The following SPOCK3 variants were observed in gnomAD, a reference collection of about 807,000 sequenced individuals.
SPOCK3 encodes the protein SPARC (osteonectin), cwcv and kazal like domains proteoglycan 3.
SPOCK3 carries 30 observed loss-of-function variants against 56.6 expected under a neutral mutation model. That is an observed-to-expected ratio of 0.53 (90% CI 0.40 to 0.72). The LOEUF (loss-of-function observed/expected upper bound fraction) is 0.72, where lower values mean the gene tolerates loss of function less well. Ranked by LOEUF, SPOCK3 falls within the 30% of genes least tolerant of loss-of-function variation. SPOCK3 has a pLI of 0.00. For synonymous variants in SPOCK3, 196 were observed against 183.3 expected (o/e 1.07, Z -0.56); for missense variants, 527 against 530.0 (o/e 0.99, Z 0.06).
chr4:167,086,836 T>G (rs950210518), intron 2 of SPOCK3, among the ~76,000 whole-genome samples: 5 of 152,102 alleles, frequency 3.3e-5, no homozygotes, highest in Admixed American at 3.3e-4. Flanking sequence ...CACAAAACAG[T>G]TGACTGAGAA....
At chr4:166,741,463 G>C (rs1290909433) in intron 9 of SPOCK3, among the ~76,000 whole-genome samples, 1 of 152,100 alleles carries the variant, frequency 6.6e-6, no homozygotes, top group Non-Finnish European at 1.5e-5. Flanking sequence ...TTAATAATCT[G>C]TTTATATCCA....
intron 2 of SPOCK3, among the ~76,000 whole-genome samples, chr4:167,161,650 A>T (rs1765318538): frequency 6.6e-6 from 1 of 152,104 alleles, no homozygotes; most frequent in Non-Finnish European, 1.5e-5. Flanking sequence ...CAAATGTGCA[A>T]CAATGATAGA....
chr4:166,934,212 C>T (rs1054537845), intron 4 of SPOCK3, among the ~76,000 whole-genome samples: 9 of 151,792 alleles, frequency 5.9e-5, no homozygotes, highest in African/African-American at 1.9e-4. Context: ...AAGTCACGGC[C>T]GGGCGCAGTG....
intron 6 of SPOCK3, among the ~76,000 whole-genome samples, chr4:166,857,038 A>G (rs907182904): frequency 1.3e-5 from 2 of 152,172 alleles, no homozygotes; most frequent in African/African-American, 4.8e-5. Context: ...TATCATCTGA[A>G]GTCACATCTA....
intron 5 of SPOCK3, among the ~76,000 whole-genome samples, chr4:166,896,622 G>T (rs1031124850): frequency 6.6e-6 from 1 of 152,156 alleles, no homozygotes; most frequent in African/African-American, 2.4e-5. Context: ...GTGGATGAGT[G>T]GGGGTCAGAA....
intron 4 of SPOCK3, among the ~76,000 whole-genome samples, chr4:166,915,985 T>C (rs936773932): frequency 3.3e-5 from 5 of 152,172 alleles, no homozygotes; most frequent in Admixed American, 3.3e-4. Context: ...TCCACTGGAA[T>C]AAACGTATGA....
chr4:167,012,549 A>C (rs568207728), intron 3 of SPOCK3, among the ~76,000 whole-genome samples: 49 of 152,104 alleles, frequency 3.2e-4, no homozygotes, highest in African/African-American at 1.1e-3. Context: ...TTGGGGAAAA[A>C]AATTAAGAAA....
At chr4:167,201,034 T>TA (rs1461113082) in intron 2 of SPOCK3, among the ~76,000 whole-genome samples, 1 of 151,948 alleles carries the variant, frequency 6.6e-6, no homozygotes, top group Non-Finnish European at 1.5e-5. Flanking sequence ...TTGAGCTGAG[T>TA]AAAATTTCTT....
intron 7 of SPOCK3, among the ~76,000 whole-genome samples, chr4:166,763,227 TCAG>T (rs1366185817): frequency 6.6e-6 from 1 of 151,958 alleles, no homozygotes; most frequent in Non-Finnish European, 1.5e-5. Flanking sequence ...AAGCTTCTCC[TCAG>T]AGGCTATGAA....
chr4:166,825,547 T>A (rs886306281), intron 6 of SPOCK3, among the ~76,000 whole-genome samples: 1 of 151,936 alleles, frequency 6.6e-6, no homozygotes, highest in East Asian at 1.9e-4. Flanking sequence ...TATCTACCCA[T>A]AGGAAAAGAA....
chr4:166,878,017 C>T (rs1328054892), intron 6 of SPOCK3, among the ~76,000 whole-genome samples: 2 of 152,110 alleles, frequency 1.3e-5, no homozygotes, highest in African/African-American at 4.8e-5. Flanking sequence ...TGGCTCATGC[C>T]TGTAATCTCA....
At position 167,153,519 on chromosome 4, in the gene SPOCK3, C is replaced by T. The variant is rs747133372; in HGVS notation, c.189+80466G>A. On this transcript the variant is annotated intron_variant, in intron 2 of 10. Transcript: ENST00000357545. ...TTCAGCTCCTCAGAAACTCGTGCCA[C>T]ATTCCCAGTGATCCATAACCACACA... Among the ~76,000 whole-genome samples the T allele has an allele frequency of 8.6e-4, 131 of 152,174 alleles. 2 individuals are homozygous for T. Among genetic ancestry groups the T allele is most frequent in the Non-Finnish European group, 2.1e-4 (14 of 68,024 alleles).
chr4:166,810,886 G>A (rs1743694630), intron 6 of SPOCK3, among the ~76,000 whole-genome samples: 1 of 151,804 alleles, frequency 6.6e-6, no homozygotes, highest in South Asian at 2.1e-4. Context: ...CTGGGCCTAG[G>A]TTTTTATTTG....
At chr4:167,218,564 C>G (rs910718774) in intron 2 of SPOCK3, among the ~76,000 whole-genome samples, 1 of 152,114 alleles carries the variant, frequency 6.6e-6, no homozygotes, top group Non-Finnish European at 1.5e-5. Context: ...ACTGCCTATG[C>G]TTCTCAAACT....
At chr4:166,820,969 T>C (rs777912244) in intron 6 of SPOCK3, among the ~76,000 whole-genome samples, 1 of 151,892 alleles carries the variant, frequency 6.6e-6, no homozygotes, top group Admixed American at 6.6e-5. Flanking sequence ...AAACTAAAAA[T>C]GTCTGCACAT....
chr4:167,184,280 C>G (rs1358291413), intron 2 of SPOCK3, among the ~76,000 whole-genome samples: 2 of 152,124 alleles, frequency 1.3e-5, no homozygotes, highest in African/African-American at 2.4e-5. Flanking sequence ...ACAGCCAATT[C>G]AGTTTTAGGT....
chr4:167,205,146 T>C (rs1185669420), intron 2 of SPOCK3, among the ~76,000 whole-genome samples: 1 of 112,564 alleles, frequency 8.9e-6, no homozygotes, highest in African/African-American at 3.4e-5. Context: ...TACATATATA[T>C]ATATTTTATA....
At chr4:167,025,141 G>T (rs1298935314) in intron 3 of SPOCK3, among the ~76,000 whole-genome samples, 5 of 151,220 alleles carry the variant, frequency 3.3e-5, no homozygotes, top group Non-Finnish European at 7.4e-5. Context: ...TGGTCAAACT[G>T]GTTCTATCAT....
At chr4:167,178,349 C>A (rs374459680) in intron 2 of SPOCK3, among the ~76,000 whole-genome samples, 1 of 152,110 alleles carries the variant, frequency 6.6e-6, no homozygotes, top group African/African-American at 2.4e-5. Context: ...ATATAAATAA[C>A]AATTTTCACT....
Sources: gnomAD v4.1 joint callset for allele counts (sites outside exome capture counted in the v4.1 genomes callset) on GRCh38, gnomAD v4.1.1 for gene constraint, MANE v1.5 for transcripts, NCBI Gene and HGNC (gene_info 2026-07-23, HGNC 2026-07-21) for gene names.